TATDN3: variants seen among roughly 807,000 people sequenced by gnomAD.
The protein encoded by TATDN3 is deoxyribonuclease TATDN3.
A neutral mutation model predicts 40.1 loss-of-function variants in TATDN3; 29 were observed. That is an observed-to-expected ratio of 0.72 (90% CI 0.54 to 0.99). The LOEUF is 0.99. Ranked by LOEUF, TATDN3 falls within the 50% of genes least tolerant of loss-of-function variation. The pLI is 0.00. For synonymous variants in TATDN3, 105 were observed against 117.0 expected (o/e 0.90, Z 0.66); for missense variants, 309 against 321.9 (o/e 0.96, Z 0.31).
intron 6 of TATDN3, 41 bp from the exon 7 acceptor site, chr1:212,804,555 T>C (rs1191763789): frequency 1.9e-6 from 3 of 1,599,462 alleles, no homozygotes; most frequent in African/African-American, 2.7e-5. Context: ...AACAATACTT[T>C]CAGAATGGTA....
chr1:212,797,267 C>A, intron 4 of TATDN3, 71 bp downstream of exon 4: 1 of 1,103,454 alleles, frequency 9.1e-7, no homozygotes, highest in South Asian at 1.4e-5. Flanking sequence ...AGTAATCCTC[C>A]TCTTTCTAAT....
chr1:212,804,391 C>G lies in TATDN3; in HGVS notation c.393C>G (p.Ile131Met), dbSNP rs1662336576. 6.2e-7 allele frequency: 1 copy of G among 1,613,940 alleles called. No homozygotes were observed. The highest frequency in any genetic ancestry group is 1.3e-5 in the African/African-American group (1 of 74,920). ...AGGAAGAGCAAAGACAAGTCCTAAT[C>G]AGACAGATCCAGTTAGCCAAAAGAC... The part of the protein sequence containing the change: ...EQKEEQRQVL[I>M]RQIQLAKRLN... The change falls in exon 6 of 10, where the codon ATC becomes ATG. Residue 131 changes from isoleucine to methionine, a missense_variant. Ile to Met is a conservative substitution (Grantham distance 10). Transcript: ENST00000366974.
Position 212,815,045 on chromosome 1 carries a change from A to G in TATDN3, c.714A>G (p.Ser238=). 5.6e-6 allele frequency: 9 copies of G among 1,613,882 alleles called. No individual in the cohort carries two copies. The highest frequency in any genetic ancestry group is 6.8e-6 in the Non-Finnish European group (8 of 1,179,968). The change falls in exon 10 of 10, where the codon TCA becomes TCG. Residue 238 remains serine, a synonymous_variant. Transcript: ENST00000366974. Reference sequence around the variant, plus strand: ...ATGAGCCCTGGAACATTTCTATTTCAGCAGAATATATTGCCCAGGTGAAAG... The same window carrying G: ...ATGAGCCCTGGAACATTTCTATTTCGGCAGAATATATTGCCCAGGTGAAAG... ...VRNEPWNISI[S]AEYIAQVKGI...
chr1:212,815,141 C>A lies in TATDN3; in HGVS notation c.810C>A (p.His270Gln). The A allele has an allele frequency of 6.2e-7, 1 of 1,611,382 alleles. No individual in the cohort carries two copies. Among genetic ancestry groups the A allele is most frequent in the African/African-American group, 1.3e-5 (1 of 74,896 alleles). ...NALKLFPKLR[H>Q]LLQK ...TAAAACTGTTTCCTAAGCTCCGACA[C>A]TTGCTCCAGAAATAGCTTCAAAACC... Residue 270 changes from histidine to glutamine, a missense_variant, in exon 10 of 10, where the codon CAC becomes CAA. By Grantham distance (24) the His-to-Gln change is conservative (BLOSUM62 0). Coordinates refer to ENST00000366974, the MANE Select transcript of TATDN3 (RefSeq NM_001042552.3).
intron 8 of TATDN3, among the ~76,000 whole-genome samples, chr1:212,808,919 T>C (rs1032983165): frequency 6.6e-6 from 1 of 152,162 alleles, no homozygotes; most frequent in Non-Finnish European, 1.5e-5. Flanking sequence ...GCATTATTCA[T>C]AATAGCCAAA....
At chr1:212,798,707 T>C (rs1285638653) in intron 4 of TATDN3, among the ~76,000 whole-genome samples, 2 of 152,124 alleles carry the variant, frequency 1.3e-5, no homozygotes, top group African/African-American at 4.8e-5. Flanking sequence ...TATGTGGGGA[T>C]TTATACTAAT....
chr1:212,796,883 G>T, intron 3 of TATDN3: 1 of 491,604 alleles, frequency 2.0e-6, no homozygotes, highest in East Asian at 3.2e-5. Flanking sequence ...TCTAAAGCAT[G>T]CACCACCAGG....
intron 2 of TATDN3, among the ~76,000 whole-genome samples, 183 bp downstream of exon 2, chr1:212,795,310 G>A (rs888691761): frequency 5.4e-5 from 8 of 148,136 alleles, no homozygotes; most frequent in South Asian, 2.2e-4. Context: ...TCGCTCTGTC[G>A]CCCAGGCTGG....
chr1:212,811,970 G>A (rs1662913436), intron 8 of TATDN3, among the ~76,000 whole-genome samples: 1 of 152,022 alleles, frequency 6.6e-6, no homozygotes, highest in African/African-American at 2.4e-5. Context: ...CAAAGTGCTG[G>A]GATTACAAGC....
chr1:212,801,937 T>G (rs545769584), intron 4 of TATDN3, among the ~76,000 whole-genome samples: 7 of 152,348 alleles, frequency 4.6e-5, no homozygotes, highest in African/African-American at 1.7e-4. Flanking sequence ...CTGCTTTACC[T>G]TCCTTTTCTT....
At chr1:212,807,618 T>C (rs1051156719) in intron 7 of TATDN3, 118 bp from the exon 8 acceptor site, 2 of 670,906 alleles carry the variant, frequency 3.0e-6, no homozygotes, top group Non-Finnish European at 5.0e-6. Flanking sequence ...TTAGAAGTTA[T>C]AGAACCTCTT....
At chr1:212,795,788 G>C (rs1265440471) in intron 2 of TATDN3, among the ~76,000 whole-genome samples, 1 of 152,070 alleles carries the variant, frequency 6.6e-6, no homozygotes, top group Non-Finnish European at 1.5e-5. Flanking sequence ...CTCATTCAAT[G>C]TTTCACAATA....
chr1:212,813,625 C>T (rs1663023755), intron 9 of TATDN3, among the ~76,000 whole-genome samples: 1 of 143,968 alleles, frequency 6.9e-6, no homozygotes, highest in African/African-American at 2.6e-5. Context: ...AGTGCAGTGG[C>T]GTGATCACAG....
At chr1:212,797,056 C>G in intron 3 of TATDN3, 56 bp from the exon 4 acceptor site, 1 of 1,324,886 alleles carries the variant, frequency 7.5e-7, no homozygotes, top group Non-Finnish European at 1.1e-6. Flanking sequence ...CTTTAGAATA[C>G]GTTGTAATCT....
intron 5 of TATDN3, among the ~76,000 whole-genome samples, chr1:212,803,446 A>T (rs1662283277): frequency 6.6e-6 from 1 of 152,066 alleles, no homozygotes; most frequent in African/African-American, 2.4e-5. Context: ...CGCCTCCCAA[A>T]GTGCTGGGAT....
At position 212,807,864 on chromosome 1, in the gene TATDN3, G is replaced by A; in HGVS notation, c.600+16G>A. 6.7e-7 allele frequency: 1 copy of A among 1,498,196 alleles called. No homozygotes were observed. The highest frequency in any genetic ancestry group is 9.2e-7 in the Non-Finnish European group (1 of 1,081,120). The allele number at this position is 1,498,196 out of a possible 1,614,324, so 92.8% of individuals were successfully genotyped here. A position where few individuals can be genotyped will look rare whatever the true frequency, so the allele number is the denominator to read the frequency against. The stretch of plus-strand genomic sequence containing the variant: ...AAGTGGACAGGTAAATTTTTTCATT[G>A]AAACTCATCTAATACTTATGAAATA... On this transcript the variant is annotated intron_variant, in intron 8 of 9. Transcript: ENST00000366974.
chr1:212,810,416 G>A (rs148625358), intron 8 of TATDN3, among the ~76,000 whole-genome samples: 3,431 of 149,994 alleles, frequency 0.023, 61 homozygotes, highest in South Asian at 0.041. Context: ...GGAGGCTGAG[G>A]CAGGAGAATG....
chr1:212,802,782 A>G lies in TATDN3; in HGVS notation c.321+19A>G, dbSNP rs745822787. ...TGGAGAGGTAAACACCCACTAACTG[A>G]TCAAACAGCTTCTAATTCAGACTTC... On this transcript the variant is annotated intron_variant, in intron 5 of 9. Coordinates refer to ENST00000366974, the MANE Select transcript of TATDN3 (RefSeq NM_001042552.3). 36 of 1,551,998 alleles carry G rather than the reference A, an allele frequency of 2.3e-5. No individual in the cohort carries two copies. Among genetic ancestry groups the G allele is most frequent in the Non-Finnish European group, 3.6e-6 (4 of 1,124,084 alleles).
Position 212,796,574 on chromosome 1 carries a change from A to G in TATDN3, c.157A>G (p.Met53Val). The G allele has an allele frequency of 6.3e-7, 1 of 1,576,856 alleles. No homozygotes were observed. The highest frequency in any genetic ancestry group is 8.6e-7 in the Non-Finnish European group (1 of 1,164,346). ...ACATTCAGGAGAATTTGAAAAGATT[A>G]TGCAACTTTCAGAAAGGTGCTACTT... The part of the protein sequence containing the change: ...AEHSGEFEKI[M>V]QLSERYNGFV... The change falls in exon 3 of 10, where the codon ATG becomes GTG. Residue 53 changes from methionine (M) to valine (V), a missense_variant. By Grantham distance (21) the Met-to-Val change is conservative (BLOSUM62 1). Transcript: ENST00000366974.
Sources: gnomAD v4.1 joint callset for allele counts (sites outside exome capture counted in the v4.1 genomes callset) on GRCh38, gnomAD v4.1.1 for gene constraint, MANE v1.5 for transcripts, NCBI Gene and HGNC (gene_info 2026-07-23, HGNC 2026-07-21) for gene names.